The following TSHZ2 variants were observed in gnomAD, a reference collection of about 807,000 sequenced individuals.
The protein encoded by TSHZ2 is teashirt homolog 2.
A neutral mutation model predicts 74.4 loss-of-function variants in TSHZ2; 21 were observed. The observed-to-expected ratio is 0.28, with a 90% CI of 0.20 to 0.41. The LOEUF (loss-of-function observed/expected upper bound fraction) is 0.41. Among genes scored for constraint, TSHZ2 ranks in the 10% least tolerant of loss-of-function variants. The pLI, the probability that TSHZ2 is intolerant of heterozygous loss-of-function variation, is 1.00. For synonymous variants in TSHZ2, 540 were observed against 515.3 expected (o/e 1.05, Z -0.65); for missense variants, 1,244 against 1,293.5 (o/e 0.96, Z 0.59).
chr20:53,269,452 C>G (rs1185082254), intron 2 of TSHZ2, among the ~76,000 whole-genome samples: 1 of 152,138 alleles, frequency 6.6e-6, no homozygotes, highest in Non-Finnish European at 1.5e-5. Flanking sequence ...TTCCTGCCAC[C>G]AGCCACCTTG....
At chr20:53,212,529 C>T (rs894453976) in intron 1 of TSHZ2, among the ~76,000 whole-genome samples, 1 of 152,204 alleles carries the variant, frequency 6.6e-6, no homozygotes. Flanking sequence ...CTCTGAATTA[C>T]TGGGACACAT....
At chr20:53,172,870 A>G (rs1988234320) in intron 1 of TSHZ2, among the ~76,000 whole-genome samples, 1 of 152,134 alleles carries the variant, frequency 6.6e-6, no homozygotes, top group Non-Finnish European at 1.5e-5. Context: ...ACGAGAGTGG[A>G]CTCCACACAG....
intron 1 of TSHZ2, among the ~76,000 whole-genome samples, chr20:53,034,419 T>C (rs1012767955): frequency 3.9e-5 from 6 of 152,212 alleles, no homozygotes; most frequent in Non-Finnish European, 8.8e-5. Flanking sequence ...ATCTACTTTG[T>C]GCCAGGCACT....
In TSHZ2 at chr20:53,378,900, T is replaced by A. The variant is rs143394856; in HGVS notation, c.*9-108244T>A. 5.3e-5 allele frequency among the ~76,000 whole-genome samples: 8 copies of A among 152,150 alleles called. No homozygotes were observed. The East Asian group carries it at 1.5e-3, about 29-fold the overall frequency. On this transcript the variant is annotated intron_variant, in intron 2 of 2. Coordinates refer to ENST00000371497, the MANE Select transcript of TSHZ2 (RefSeq NM_173485.6). ...AGATGATATGAGGATGTAGAAAAAA[T>A]TTGTGAGAACAGTAAACAAATTATT...
chr20:53,022,079 A>G (rs534531505), intron 1 of TSHZ2, among the ~76,000 whole-genome samples: 2 of 152,294 alleles, frequency 1.3e-5, no homozygotes, highest in African/African-American at 4.8e-5. Flanking sequence ...AACCTAAGCT[A>G]AGAAGTGCTA....
intron 1 of TSHZ2, among the ~76,000 whole-genome samples, chr20:53,212,327 G>T (rs1026470790): frequency 6.6e-6 from 1 of 152,216 alleles, no homozygotes; most frequent in Non-Finnish European, 1.5e-5. Flanking sequence ...CCTAACTCTT[G>T]TCATATGGTT....
intron 1 of TSHZ2, among the ~76,000 whole-genome samples, chr20:53,237,654 T>C (rs1393978451): frequency 6.6e-6 from 1 of 152,178 alleles, no homozygotes. Context: ...ATTTTCCTGA[T>C]CAGCGGTAGC....
At chr20:53,279,261 A>G (rs1215574745) in intron 2 of TSHZ2, among the ~76,000 whole-genome samples, 1 of 152,224 alleles carries the variant, frequency 6.6e-6, no homozygotes, top group African/African-American at 2.4e-5. Flanking sequence ...TTCAAGGGAC[A>G]GCTGTATTCA....
At chr20:53,278,727 C>T (rs1193716849) in intron 2 of TSHZ2, among the ~76,000 whole-genome samples, 4 of 152,164 alleles carry the variant, frequency 2.6e-5, no homozygotes, top group African/African-American at 2.4e-5. Context: ...AAGGACTCTT[C>T]CATGAAAGCC....
chr20:53,046,593 T>G (rs1159160534), intron 1 of TSHZ2, among the ~76,000 whole-genome samples: 1 of 152,046 alleles, frequency 6.6e-6, no homozygotes, highest in African/African-American at 2.4e-5. Flanking sequence ...GAAATCCTCT[T>G]CATAAATTCA....
At chr20:53,409,469 A>C (rs115425471) in intron 2 of TSHZ2, among the ~76,000 whole-genome samples, 3 of 152,254 alleles carry the variant, frequency 2.0e-5, no homozygotes, top group African/African-American at 4.8e-5. Flanking sequence ...TACCAAAAAA[A>C]AAAAGTGTCT....
intron 1 of TSHZ2, among the ~76,000 whole-genome samples, chr20:53,173,416 G>A (rs959090491): frequency 2.5e-4 from 38 of 152,110 alleles, no homozygotes; most frequent in African/African-American, 8.9e-4. Flanking sequence ...AGACCAGCCT[G>A]GTCAACATGG....
chr20:53,038,675 T>C (rs1231658647), intron 1 of TSHZ2, among the ~76,000 whole-genome samples: 2 of 152,180 alleles, frequency 1.3e-5, no homozygotes, highest in East Asian at 3.9e-4. Flanking sequence ...CAACCGCTTT[T>C]TAACACATGT....
chr20:53,134,425 A>G (rs1987189987), intron 1 of TSHZ2, among the ~76,000 whole-genome samples: 1 of 152,228 alleles, frequency 6.6e-6, no homozygotes, highest in African/African-American at 2.4e-5. Flanking sequence ...TTTAGTGTTC[A>G]TTTAACCTGG....
At chr20:53,251,557 GT>G (rs1034571891) in intron 1 of TSHZ2, among the ~76,000 whole-genome samples, 1 of 152,012 alleles carries the variant, frequency 6.6e-6, no homozygotes. Flanking sequence ...AGTAGTTGTT[GT>G]TTTTTTCAAA....
chr20:53,104,835 C>T (rs942968526), intron 1 of TSHZ2, among the ~76,000 whole-genome samples: 1 of 152,152 alleles, frequency 6.6e-6, no homozygotes, highest in African/African-American at 2.4e-5. Flanking sequence ...ATATGCAAGG[C>T]ATCGAAGCAA....
At chr20:53,309,680 T>G (rs1359611365) in intron 2 of TSHZ2, among the ~76,000 whole-genome samples, 1 of 152,212 alleles carries the variant, frequency 6.6e-6, no homozygotes, top group Non-Finnish European at 1.5e-5. Flanking sequence ...TATTGCTGCT[T>G]CTTCAACTGT....
intron 2 of TSHZ2, among the ~76,000 whole-genome samples, chr20:53,472,784 A>G (rs74175921): frequency 0.18 from 26,835 of 146,156 alleles, 2,643 homozygotes; most frequent in East Asian, 0.27. Context: ...CAGTGGGCGC[A>G]GGTCAGTGGG....
At chr20:53,003,107 T>C (rs1982499067) in intron 1 of TSHZ2, among the ~76,000 whole-genome samples, 1 of 152,148 alleles carries the variant, frequency 6.6e-6, no homozygotes, top group Admixed American at 6.5e-5. Flanking sequence ...GATAACAAAA[T>C]GTCAAAACTA....
Sources: allele counts gnomAD v4.1 joint callset (sites outside exome capture counted in the v4.1 genomes callset), GRCh38; gene constraint gnomAD v4.1.1; transcripts MANE v1.5; gene names NCBI Gene and HGNC (gene_info 2026-07-23, HGNC 2026-07-21).